LCOR: variants seen among roughly 807,000 people sequenced by gnomAD.
LCOR encodes ligand dependent nuclear receptor corepressor, also known as ligand-dependent corepressor.
In LCOR, 14 loss-of-function variants were observed where a neutral mutation model predicts 64.4. The ratio of observed to expected loss-of-function variants is 0.22; its 90% confidence interval spans 0.14 to 0.34. The LOEUF is 0.34. LCOR is among the 10% of genes least tolerant of loss of function. The pLI, the probability that LCOR is intolerant of heterozygous loss-of-function variation, is 1.00. For missense variants in LCOR, 1,686 were observed against 1,765.3 expected (o/e 0.96, Z 0.80); for synonymous variants, 643 against 642.5 (o/e 1.00, Z -0.01).
chr10:96,917,413 C>A (rs1000858704), intron 4 of LCOR, among the ~76,000 whole-genome samples: 8 of 152,190 alleles, frequency 5.3e-5, no homozygotes, highest in Admixed American at 1.3e-4. Context: ...GCATCCAGAA[C>A]CAGAATTCTC....
At chr10:96,890,446 G>A (rs1846420852) in intron 2 of LCOR, among the ~76,000 whole-genome samples, 2 of 152,024 alleles carry the variant, frequency 1.3e-5, no homozygotes, top group Admixed American at 6.6e-5. Context: ...TGTTTATTAG[G>A]TTAATGGTGG....
At chr10:96,921,459 A>G (rs556402802) in intron 4 of LCOR, among the ~76,000 whole-genome samples, 3 of 152,000 alleles carry the variant, frequency 2.0e-5, no homozygotes, top group East Asian at 3.9e-4. Context: ...TTCTTTATTT[A>G]ATTTTAATTT....
At chr10:96,930,488 T>TTTATCATA (rs1847238746) in intron 4 of LCOR, among the ~76,000 whole-genome samples, 1 of 152,222 alleles carries the variant, frequency 6.6e-6, no homozygotes, top group African/African-American at 2.4e-5. Flanking sequence ...ACGTCAGTAG[T>TTTATCATA]GGTATTTCAG....
At chr10:96,843,759 G>A (rs1439883502) in intron 2 of LCOR, among the ~76,000 whole-genome samples, 1 of 152,092 alleles carries the variant, frequency 6.6e-6, no homozygotes, top group Admixed American at 6.6e-5. Flanking sequence ...ATTGAATCTT[G>A]GTTGTATCCT....
intron 2 of LCOR, among the ~76,000 whole-genome samples, chr10:96,897,230 T>C (rs991079469): frequency 6.6e-6 from 1 of 152,130 alleles, no homozygotes; most frequent in African/African-American, 2.4e-5. Context: ...AATGAATACA[T>C]ATGTTATTGT....
chr10:96,861,503 A>G (rs558564580), intron 2 of LCOR, among the ~76,000 whole-genome samples: 18 of 152,052 alleles, frequency 1.2e-4, no homozygotes, highest in African/African-American at 4.3e-4. Context: ...GCAGGCATTC[A>G]ATTCTGCAGT....
At chr10:96,967,481 A>G (rs2134551585) in intron 7 of LCOR, among the ~76,000 whole-genome samples, 1 of 152,324 alleles carries the variant, frequency 6.6e-6, no homozygotes, top group Middle Eastern at 3.4e-3. Flanking sequence ...TAGAAAGATC[A>G]CTTATTTTTC....
At chr10:96,833,552 C>T (rs1167352353) in intron 2 of LCOR, 73 bp downstream of exon 2, 2 of 596,770 alleles carry the variant, frequency 3.4e-6, no homozygotes, top group Non-Finnish European at 4.2e-6. Flanking sequence ...GTCTGACTCT[C>T]CTGTCCTCCA....
In LCOR at chr10:96,983,544, A is replaced by G; in HGVS notation, c.3084A>G (p.Lys1028=). ...GTGGTGATGCTGCTAGGGCACCAAA[A>G]TCGGTGCCAAGGCCTAAAAGATTGA... ...SGSGDAARAP[K]SVPRPKRLTS... Residue 1028 remains lysine, a synonymous_variant, in exon 8 of 8, where the codon AAA becomes AAG. Transcript: ENST00000421806. This position sits in a 1 kb window ranked among gnomAD's most constrained non-coding sequence, Gnocchi z 4.5. 1.2e-6 allele frequency: 2 copies of G among 1,614,122 alleles called. No individual in the cohort carries two copies. Among genetic ancestry groups the G allele is most frequent in the Middle Eastern group, 1.6e-4 (1 of 6,062 alleles).
At chr10:96,972,165 C>T (rs1468994428) in intron 7 of LCOR, among the ~76,000 whole-genome samples, 22 of 152,156 alleles carry the variant, frequency 1.4e-4, no homozygotes, top group Non-Finnish European at 3.1e-4. Context: ...TTTAGTGTTA[C>T]TGCTCACCTT....
At chr10:96,954,831 T>C in intron 7 of LCOR, 2 of 589,232 alleles carry the variant, frequency 3.4e-6, no homozygotes, top group Non-Finnish European at 5.6e-6. Context: ...TAGAGAAAAA[T>C]AAATAAATAA....
intron 6 of LCOR, among the ~76,000 whole-genome samples, chr10:96,951,795 C>T (rs927715762): frequency 6.6e-6 from 1 of 152,090 alleles, no homozygotes; most frequent in African/African-American, 2.4e-5. Flanking sequence ...AATCTGATAA[C>T]AGAGGACCTC....
Position 96,982,613 on chromosome 10 carries a change from T to C in LCOR, c.2153T>C (p.Met718Thr). The C allele has an allele frequency of 3.7e-6, 6 of 1,614,120 alleles. No homozygotes were observed. Among genetic ancestry groups the C allele is most frequent in the East Asian group, 2.2e-5 (1 of 44,874 alleles). Reference sequence around the variant, plus strand: ...TCCCCAATGGGCTTGGAGCCCCCCATGAGTCTGGGAAAGGCTGAGGACAAC... The same window carrying C: ...TCCCCAATGGGCTTGGAGCCCCCCACGAGTCTGGGAAAGGCTGAGGACAAC... ...QSSPMGLEPP[M>T]SLGKAEDNQS... Residue 718 changes from methionine (M) to threonine (T), a missense_variant, in exon 8 of 8, where the codon ATG becomes ACG. Physicochemically the swap from Met to Thr is moderately conservative, Grantham distance 81. Transcript: ENST00000421806.
At chr10:96,841,746 T>TA (rs1200844490) in intron 2 of LCOR, among the ~76,000 whole-genome samples, 6 of 151,578 alleles carry the variant, frequency 4.0e-5, no homozygotes, top group African/African-American at 1.5e-4. Context: ...CCTGTTGTTT[T>TA]AAAAAATAAA....
Position 96,855,240 on chromosome 10 carries a change from C to T in LCOR, c.-330+21761C>T, listed in dbSNP as rs193237999. Among the ~76,000 whole-genome samples the T allele has an allele frequency of 3.3e-4, 50 of 152,156 alleles. 1 individual carries two copies. Among genetic ancestry groups the T allele is most frequent in the African/African-American group, 1.1e-3 (47 of 41,518 alleles). On this transcript the variant is annotated intron_variant, in intron 2 of 7. Transcript: ENST00000421806. ...GGGGAGAGCTTGCCTGTGAGTGATGCTATATGCATTTGTGTGAGACATACA... is the reference window on the plus strand; with the variant it reads ...GGGGAGAGCTTGCCTGTGAGTGATGTTATATGCATTTGTGTGAGACATACA...
intron 2 of LCOR, among the ~76,000 whole-genome samples, chr10:96,875,884 A>C (rs1380894124): frequency 6.6e-6 from 1 of 152,020 alleles, no homozygotes; most frequent in African/African-American, 2.4e-5. Context: ...ACAACAAAAA[A>C]CACACATGGT....
chr10:96,878,262 CT>C (rs34855903), intron 2 of LCOR, among the ~76,000 whole-genome samples: 41,219 of 151,982 alleles, frequency 0.27, 8,113 homozygotes, highest in African/African-American at 0.56. Flanking sequence ...TAACTGGTTG[CT>C]TACGTTGATA....
chr10:96,910,184 C>T (rs1243697170), intron 4 of LCOR, among the ~76,000 whole-genome samples: 1 of 152,084 alleles, frequency 6.6e-6, no homozygotes, highest in Non-Finnish European at 1.5e-5. Flanking sequence ...AGGTACATGC[C>T]ACCATACCCA....
At chr10:96,976,608 C>T (rs1848042654) in intron 7 of LCOR, among the ~76,000 whole-genome samples, 1 of 152,128 alleles carries the variant, frequency 6.6e-6, no homozygotes, top group Admixed American at 6.5e-5. Context: ...TATTGGGGTG[C>T]TATTAAGTTA....
Sources: gnomAD v4.1 joint callset for allele counts (sites outside exome capture counted in the v4.1 genomes callset) on GRCh38, gnomAD v4.1.1 for gene constraint, Gnocchi (gnomAD v3.1) non-coding constraint, MANE v1.5 for transcripts, NCBI Gene and HGNC (gene_info 2026-07-23, HGNC 2026-07-21) for gene names.